Variants in FTO observed in about 807,000 individuals in gnomAD.
FTO encodes the protein FTO alpha-ketoglutarate dependent dioxygenase.
Under a neutral mutation model 63.9 loss-of-function variants are expected in FTO, and 47 were observed. That is an observed-to-expected ratio of 0.74 (90% CI 0.58 to 0.94). The LOEUF is 0.94. Ranked by LOEUF, FTO falls within the 40% of genes least tolerant of loss-of-function variation. The pLI is 0.00. For missense variants in FTO, 562 were observed against 618.1 expected, an observed-to-expected ratio of 0.91 and a Z score of 0.96; for synonymous variants, 207 against 224.4, an observed-to-expected ratio of 0.92 and a Z score of 0.69.
chr16:54,050,866 T>G (rs2085295335), intron 8 of FTO, among the ~76,000 whole-genome samples: 1 of 152,122 alleles, frequency 6.6e-6, no homozygotes, highest in Admixed American at 6.5e-5. Flanking sequence ...ACTATTAACT[T>G]TCTGATTTAT....
At chr16:54,104,895 G>T (rs1162892308) in intron 8 of FTO, among the ~76,000 whole-genome samples, 1 of 152,228 alleles carries the variant, frequency 6.6e-6, no homozygotes, top group Non-Finnish European at 1.5e-5. Context: ...GGCCAGCGTT[G>T]CATGATCACT....
intron 3 of FTO, among the ~76,000 whole-genome samples, chr16:53,837,650 T>C (rs1392472203): frequency 6.6e-6 from 1 of 152,328 alleles, no homozygotes; most frequent in East Asian, 1.9e-4. Flanking sequence ...TTCTAAACTC[T>C]AGAACTCTGG....
intron 8 of FTO, among the ~76,000 whole-genome samples, chr16:54,078,965 CA>C (rs1299893443): frequency 6.6e-6 from 1 of 152,068 alleles, no homozygotes; most frequent in African/African-American, 2.4e-5. Flanking sequence ...GGTAAATGAA[CA>C]TGTTCTTCTC....
chr16:53,805,451 T>G (rs2078338799), intron 1 of FTO, among the ~76,000 whole-genome samples: 1 of 149,920 alleles, frequency 6.7e-6, no homozygotes, highest in Non-Finnish European at 1.5e-5. Flanking sequence ...TGGTTTTTTT[T>G]TTTTTTTTTT....
intron 8 of FTO, among the ~76,000 whole-genome samples, chr16:53,975,557 A>G (rs1452411847): frequency 6.6e-6 from 1 of 152,082 alleles, no homozygotes; most frequent in Non-Finnish European, 1.5e-5. Context: ...TAAAGATAAG[A>G]TCTTTCTAGA....
chr16:53,731,568 A>G (rs796982575), intron 1 of FTO, among the ~76,000 whole-genome samples: 10 of 152,062 alleles, frequency 6.6e-5, no homozygotes, highest in African/African-American at 2.4e-4. Flanking sequence ...ATTTAATTTA[A>G]TTTAATTTAA....
At chr16:53,859,677 A>G (rs573194599) in intron 4 of FTO, among the ~76,000 whole-genome samples, 8 of 152,242 alleles carry the variant, frequency 5.3e-5, no homozygotes, top group African/African-American at 1.2e-4. Context: ...CTCAACATGT[A>G]TATGAAAATG....
At chr16:53,990,610 C>T (rs548378595) in intron 8 of FTO, among the ~76,000 whole-genome samples, 1 of 150,020 alleles carries the variant, frequency 6.7e-6, no homozygotes, top group African/African-American at 2.5e-5. Context: ...TATGGTGTGT[C>T]TCACATGCTT....
chr16:53,905,365 G>A (rs2081510236), intron 7 of FTO, among the ~76,000 whole-genome samples: 1 of 152,090 alleles, frequency 6.6e-6, no homozygotes, highest in Admixed American at 6.6e-5. Context: ...TGTAAAATGG[G>A]GATAATAATA....
intron 8 of FTO, among the ~76,000 whole-genome samples, chr16:53,974,873 CAA>C (rs2083400760): frequency 1.3e-5 from 2 of 152,156 alleles, no homozygotes; most frequent in Admixed American, 1.3e-4. Context: ...CCAGAAATGT[CAA>C]AGTTGCTTAT....
intron 8 of FTO, chr16:54,034,035 G>A (rs1284830284): frequency 6.6e-6 from 1 of 152,220 alleles, no homozygotes; most frequent in Non-Finnish European, 1.5e-5. Flanking sequence ...GTACAGGTAG[G>A]AGGGTTGCTG....
At chr16:53,757,332 A>G (rs776691222) in intron 1 of FTO, among the ~76,000 whole-genome samples, 1 of 152,100 alleles carries the variant, frequency 6.6e-6, no homozygotes, top group Non-Finnish European at 1.5e-5. Flanking sequence ...ATCACTGAAC[A>G]TATTTATGGC....
intron 8 of FTO, among the ~76,000 whole-genome samples, chr16:54,004,313 G>C (rs1158436409): frequency 2.0e-5 from 3 of 151,992 alleles, no homozygotes; most frequent in Non-Finnish European, 4.4e-5. Context: ...GATCACTTGG[G>C]CCTGGGAGTT....
chr16:53,934,229 G>A (rs1057192849), intron 8 of FTO, 120 bp downstream of exon 8: 12 of 1,045,848 alleles, frequency 1.1e-5, no homozygotes, highest in African/African-American at 4.7e-5. Context: ...AAATAAGCAC[G>A]TTTAAGATGC....
intron 7 of FTO, among the ~76,000 whole-genome samples, chr16:53,892,470 A>G (rs1350642423): frequency 1.3e-5 from 2 of 152,206 alleles, no homozygotes; most frequent in Admixed American, 1.3e-4. Flanking sequence ...GCACATTTGG[A>G]TTCTATAGCA....
chr16:53,752,735 A>ACACT (rs2151575724), intron 1 of FTO, among the ~76,000 whole-genome samples: 1 of 152,316 alleles, frequency 6.6e-6, no homozygotes, highest in South Asian at 2.1e-4. Context: ...CTTCTAACCC[A>ACACT]GCTGTGTGGC....
chr16:53,766,609 A>G (rs1282687641), intron 1 of FTO, among the ~76,000 whole-genome samples: 1 of 152,188 alleles, frequency 6.6e-6, no homozygotes, highest in African/African-American at 2.4e-5. Flanking sequence ...CCCTTTGGAC[A>G]GTCACATGAC....
chr16:53,992,598 T>A (rs1409761810), intron 8 of FTO: 7 of 152,138 alleles, frequency 4.6e-5, no homozygotes, highest in Non-Finnish European at 1.0e-4. Context: ...CCTGCCTAGC[T>A]TATCACAGTG....
chr16:53,856,591 A>G (rs1165580668), intron 4 of FTO, among the ~76,000 whole-genome samples: 1 of 152,118 alleles, frequency 6.6e-6, no homozygotes, highest in Non-Finnish European at 1.5e-5. Context: ...CTCTACTAAA[A>G]ATACAAAAAT....
Sources: allele counts gnomAD v4.1 joint callset (sites outside exome capture counted in the v4.1 genomes callset), GRCh38; gene constraint gnomAD v4.1.1; transcripts MANE v1.5; gene names NCBI Gene and HGNC (gene_info 2026-07-23, HGNC 2026-07-21).